Variants in LOXL2 observed in about 807,000 individuals in gnomAD.
LOXL2 encodes lysyl oxidase homolog 2.
Under a neutral mutation model 93.0 loss-of-function variants are expected in LOXL2, and 70 were observed. That is an observed-to-expected ratio of 0.75 (90% CI 0.62 to 0.92). The LOEUF (loss-of-function observed/expected upper bound fraction) is 0.92, where lower values mean the gene tolerates loss of function less well. Among genes scored for constraint, LOXL2 ranks in the 40% least tolerant of loss-of-function variants. The pLI is 0.00. For synonymous variants in LOXL2, 438 were observed against 413.2 expected, an observed-to-expected ratio of 1.06 and a Z score of -0.73; for missense variants, 973 against 1,054.9, an observed-to-expected ratio of 0.92 and a Z score of 1.08.
At chr8:23,337,798 C>T (rs114775127) in intron 4 of LOXL2, among the ~76,000 whole-genome samples, 1 of 152,136 alleles carries the variant, frequency 6.6e-6, no homozygotes, top group Non-Finnish European at 1.5e-5. Flanking sequence ...ATGCATTGCA[C>T]CCCAGCCCGG....
intron 3 of LOXL2, among the ~76,000 whole-genome samples, chr8:23,343,954 C>G (rs1803926650): frequency 6.6e-6 from 1 of 152,238 alleles, no homozygotes; most frequent in African/African-American, 2.4e-5. Flanking sequence ...ATCAAGACTG[C>G]ACTTCACAGG....
At position 23,298,492 on chromosome 8, in the gene LOXL2, C is replaced by T. The variant is rs531737638; in HGVS notation, c.2245+344G>A. Among the ~76,000 whole-genome samples, 9 of 152,308 alleles carry T rather than the reference C, an allele frequency of 5.9e-5. No homozygotes were observed. The South Asian group carries it at 8.3e-4, about 14-fold the overall frequency. ...CAGTAGTTTGCTAGCTTCCAGCTCT[C>T]GACAGAAAAACCTGATAGGCAGAGC... On this transcript the variant is annotated intron_variant, in intron 13 of 13. Transcript: ENST00000389131.
chr8:23,345,040 G>T (rs992125890), intron 3 of LOXL2, among the ~76,000 whole-genome samples: 2 of 152,182 alleles, frequency 1.3e-5, no homozygotes, highest in Non-Finnish European at 2.9e-5. Context: ...ATTAATTGCA[G>T]GCTAGGTTCC....
At chr8:23,299,572 A>C (rs760065748) in intron 12 of LOXL2, among the ~76,000 whole-genome samples, 8 of 152,150 alleles carry the variant, frequency 5.3e-5, no homozygotes, top group Non-Finnish European at 1.0e-4. Flanking sequence ...TAGGAAGGAC[A>C]TATTCTGGGA....
At chr8:23,326,717 G>T (rs1280076125) in intron 6 of LOXL2, among the ~76,000 whole-genome samples, 1 of 152,194 alleles carries the variant, frequency 6.6e-6, no homozygotes, top group African/African-American at 2.4e-5. Flanking sequence ...TCGCGCCACT[G>T]TGCTGGGTGA....
intron 1 of LOXL2, among the ~76,000 whole-genome samples, chr8:23,392,360 C>G (rs1402688421): frequency 2.0e-5 from 3 of 152,190 alleles, no homozygotes; most frequent in Non-Finnish European, 4.4e-5. Flanking sequence ...TTGGCTGCTA[C>G]AATGCCAGCT....
chr8:23,302,814 C>T (rs1365769730), intron 11 of LOXL2, among the ~76,000 whole-genome samples: 1 of 152,126 alleles, frequency 6.6e-6, no homozygotes, highest in Non-Finnish European at 1.5e-5. Context: ...TGGTGACCTA[C>T]CAGAAGTGTG....
intron 3 of LOXL2, among the ~76,000 whole-genome samples, chr8:23,343,338 C>T (rs1055586212): frequency 6.6e-6 from 1 of 152,246 alleles, no homozygotes; most frequent in Non-Finnish European, 1.5e-5. Flanking sequence ...TTGATAGCTA[C>T]TGCCATCCCC....
intron 2 of LOXL2, chr8:23,365,879 T>C (rs1467673000): frequency 6.6e-6 from 1 of 152,334 alleles, no homozygotes; most frequent in South Asian, 2.1e-4. Context: ...TCTCCACTTA[T>C]TACAACCCTC....
At position 23,303,959 on chromosome 8, in the gene LOXL2, G is replaced by A. The variant is rs1304758920; in HGVS notation, c.1881-562C>T. 2.6e-5 allele frequency among the ~76,000 whole-genome samples: 4 copies of A among 152,324 alleles called. No homozygotes were observed. In the East Asian group the frequency reaches 5.8e-4, roughly 22 times the overall value. On this transcript the variant is annotated intron_variant, in intron 10 of 13. Transcript: ENST00000389131. The stretch of plus-strand genomic sequence containing the variant: ...GGACACACACAGGTACCCCAAGGTC[G>A]TGCCTGTGCTTCAGACCTGGTCAGG...
chr8:23,384,005 G>C lies in LOXL2; in HGVS notation c.-83-15571C>G, dbSNP rs1188782701. 2.0e-5 allele frequency among the ~76,000 whole-genome samples: 3 copies of C among 152,192 alleles called. No homozygotes were observed. The East Asian group carries it at 5.8e-4, about 29-fold the overall frequency. On this transcript the variant is annotated intron_variant, in intron 1 of 13. Transcript: ENST00000389131. Reference sequence around the variant, plus strand: ...GAATTTTACCTATTGTGCAAGGCTAGAAGTAAGAACGTTAGGATTTTTCAT... The same window carrying C: ...GAATTTTACCTATTGTGCAAGGCTACAAGTAAGAACGTTAGGATTTTTCAT...
Position 23,309,849 on chromosome 8 carries a change from G to A in LOXL2, c.1699C>T (p.Pro567Ser), listed in dbSNP as rs754251472. Residue 567 changes from proline (P) to serine (S), a missense_variant, in exon 10 of 14, where the codon CCC becomes TCC. By Grantham distance (74) the Pro-to-Ser change is moderately conservative. Coordinates refer to ENST00000389131, the MANE Select transcript of LOXL2 (RefSeq NM_002318.3). ...VQQTTYLEDR[P>S]MFMLQCAMEE... ...ATGGCACACTGCAGCATGAACATGG[G>A]CCGGTCCTCCAGGTAGGTGGTCTGC... 2 of 1,589,980 alleles carry A rather than the reference G, an allele frequency of 1.3e-6. No homozygotes were observed. The highest frequency in any genetic ancestry group is 2.3e-5 in the South Asian group (2 of 87,798).
intron 1 of LOXL2, among the ~76,000 whole-genome samples, chr8:23,374,512 G>A (rs1324745171): frequency 2.0e-5 from 3 of 152,148 alleles, no homozygotes; most frequent in Non-Finnish European, 4.4e-5. Context: ...CTAGATCCTT[G>A]AGGAATCGCC....
chr8:23,342,191 G>A (rs1039585921), intron 3 of LOXL2, among the ~76,000 whole-genome samples: 1 of 152,144 alleles, frequency 6.6e-6, no homozygotes, highest in Non-Finnish European at 1.5e-5. Flanking sequence ...CCAGGGATCG[G>A]GCAGGAGAGG....
rs779575136 is a variant in LOXL2 at position 23,296,945 on chromosome 8, T to C, written c.*1098A>G. Reference sequence around the variant, plus strand: ...AGTTCAAGAAAGATTATGACTCCTGTTCCGTTACTTTTTGTGATCTCCTTA... The same window carrying C: ...AGTTCAAGAAAGATTATGACTCCTGCTCCGTTACTTTTTGTGATCTCCTTA... On this transcript the variant is annotated 3_prime_UTR_variant, in exon 14 of 14. Transcript: ENST00000389131. 6.6e-6 allele frequency among the ~76,000 whole-genome samples: 1 copy of C among 152,198 alleles called. No homozygotes were observed. Among genetic ancestry groups the C allele is most frequent in the Non-Finnish European group, 1.5e-5 (1 of 68,034 alleles).
intron 2 of LOXL2, 148 bp from the exon 3 acceptor site, chr8:23,360,413 T>C: frequency 1.7e-6 from 1 of 591,370 alleles, no homozygotes; most frequent in South Asian, 2.2e-5. Flanking sequence ...ATTAAGATAT[T>C]GCACATAACT....
chr8:23,394,054 G>T (rs1563210918), intron 1 of LOXL2, among the ~76,000 whole-genome samples: 1 of 152,140 alleles, frequency 6.6e-6, no homozygotes, highest in African/African-American at 2.4e-5. Flanking sequence ...CAATGGTCTA[G>T]AATTCAGAAT....
rs770873847 is a variant in LOXL2 at position 23,368,067 on chromosome 8, G to A, written c.285C>T (p.Val95=). The change falls in exon 2 of 14, where the codon GTC becomes GTT. Residue 95 remains valine, a synonymous_variant. Transcript: ENST00000389131. ...DDDFSIHAAH[V]VCRELGYVEA... ...CCACGTAGCCCAGCTCCCGGCAGAC[G>A]ACGTGGGCAGCGTGGATGGAGAAGT... 1.7e-5 allele frequency: 28 copies of A among 1,614,046 alleles called. 1 individual carries two copies. In the South Asian group the frequency reaches 1.8e-4, roughly 10 times the overall value.
chr8:23,401,379 A>G (rs1287417464), intron 1 of LOXL2, among the ~76,000 whole-genome samples: 1 of 152,174 alleles, frequency 6.6e-6, no homozygotes, highest in African/African-American at 2.4e-5. Context: ...TTGGCATTAG[A>G]TGATACCAAA....
Sources: gnomAD v4.1 joint callset for allele counts (sites outside exome capture counted in the v4.1 genomes callset) on GRCh38, gnomAD v4.1.1 for gene constraint, MANE v1.5 for transcripts, NCBI Gene and HGNC (gene_info 2026-07-23, HGNC 2026-07-21) for gene names.